NKAIN3: variants seen among roughly 807,000 people sequenced by gnomAD.
NKAIN3 encodes the protein sodium/potassium transporting ATPase interacting 3, also known as sodium/potassium-transporting ATPase subunit beta-1-interacting protein 3.
In NKAIN3, 25 loss-of-function variants were observed where a neutral mutation model predicts 30.2. That is an observed-to-expected ratio of 0.83 (90% CI 0.60 to 1.16). The LOEUF is 1.16. NKAIN3 is among the 50% of genes most tolerant of loss of function. NKAIN3 has a pLI of 0.00. For missense variants in NKAIN3, 225 were observed against 254.1 expected (o/e 0.89, Z 0.78); for synonymous variants, 91 against 89.6 (o/e 1.02, Z -0.09).
At chr8:62,886,845 T>G (rs774451288) in intron 4 of NKAIN3, among the ~76,000 whole-genome samples, 4 of 152,132 alleles carry the variant, frequency 2.6e-5, no homozygotes, top group Non-Finnish European at 5.9e-5. Flanking sequence ...GACCCCAGTG[T>G]GTGATGTTCT....
At chr8:62,532,375 G>T (rs1486870638) in intron 1 of NKAIN3, among the ~76,000 whole-genome samples, 1 of 149,926 alleles carries the variant, frequency 6.7e-6, no homozygotes, top group Non-Finnish European at 1.5e-5. Context: ...GCACCTTCAT[G>T]ATCCAATACT....
chr8:62,464,926 G>A lies in NKAIN3; in HGVS notation c.55-114613G>A, dbSNP rs750266384. Among the ~76,000 whole-genome samples, 3 of 152,126 alleles carry A rather than the reference G, an allele frequency of 2.0e-5. 1 individual carries two copies. The highest frequency in any genetic ancestry group is 2.0e-4 in the Admixed American group (3 of 15,270). On this transcript the variant is annotated intron_variant, in intron 1 of 6. Coordinates refer to ENST00000623646, the MANE Select transcript of NKAIN3 (RefSeq NM_001304533.3). ...AAAATAACTGGGAGTATTATTTATA[G>A]GTGAAGATAGAATTGGCATTTCAAT...
At chr8:62,444,978 G>A (rs1047649511) in intron 1 of NKAIN3, among the ~76,000 whole-genome samples, 5 of 151,716 alleles carry the variant, frequency 3.3e-5, no homozygotes, top group South Asian at 4.1e-4. Flanking sequence ...ACAGAGTCTC[G>A]CTCTGTCACC....
chr8:62,451,616 A>T (rs548329215), intron 1 of NKAIN3, among the ~76,000 whole-genome samples: 2 of 152,252 alleles, frequency 1.3e-5, no homozygotes, highest in South Asian at 4.1e-4. Context: ...GAAGCCTAAG[A>T]CCTAAATGTT....
At chr8:62,582,929 G>T (rs1810351779) in intron 2 of NKAIN3, among the ~76,000 whole-genome samples, 1 of 152,126 alleles carries the variant, frequency 6.6e-6, no homozygotes, top group Non-Finnish European at 1.5e-5. Context: ...TGGGCCTCCT[G>T]CTGCACCTGC....
At chr8:62,789,355 A>G (rs1817629611) in intron 4 of NKAIN3, among the ~76,000 whole-genome samples, 1 of 152,156 alleles carries the variant, frequency 6.6e-6, no homozygotes, top group South Asian at 2.1e-4. Context: ...GGTGTATAAG[A>G]ATGCTCGTGA....
intron 5 of NKAIN3, among the ~76,000 whole-genome samples, chr8:62,939,212 A>C (rs1822877069): frequency 6.6e-6 from 1 of 152,226 alleles, no homozygotes; most frequent in Non-Finnish European, 1.5e-5. Flanking sequence ...CAAAGAAAAA[A>C]ATCAGAAAAA....
At chr8:62,394,590 CCAGT>C (rs1302851426) in intron 1 of NKAIN3, among the ~76,000 whole-genome samples, 11 of 152,172 alleles carry the variant, frequency 7.2e-5, no homozygotes, top group East Asian at 5.8e-4. Flanking sequence ...TGCACAGTGG[CCAGT>C]CAAAGGCGCT....
intron 1 of NKAIN3, among the ~76,000 whole-genome samples, chr8:62,448,052 T>C (rs1317782600): frequency 6.6e-6 from 1 of 151,940 alleles, no homozygotes; most frequent in East Asian, 1.9e-4. Context: ...CTAGGTTGGA[T>C]TTAAGTAGCC....
intron 3 of NKAIN3, among the ~76,000 whole-genome samples, chr8:62,669,394 C>T (rs955229662): frequency 2.6e-5 from 4 of 152,188 alleles, no homozygotes; most frequent in Non-Finnish European, 4.4e-5. Context: ...ACCAAAATTA[C>T]ATCTTCATGG....
intron 4 of NKAIN3, among the ~76,000 whole-genome samples, chr8:62,871,490 A>G (rs1820644608): frequency 6.6e-6 from 1 of 152,166 alleles, no homozygotes. Context: ...TGTGATGAGA[A>G]CACTTAGTAT....
In NKAIN3 at chr8:62,736,307, G is replaced by A. The variant is rs552976455; in HGVS notation, c.274-10625G>A. Among the ~76,000 whole-genome samples the A allele has an allele frequency of 3.9e-5, 6 of 152,228 alleles. No homozygotes were observed. The South Asian group carries it at 6.2e-4, about 16-fold the overall frequency. On this transcript the variant is annotated intron_variant, in intron 3 of 6. Transcript: ENST00000623646. Reference sequence around the variant, plus strand: ...AGAGAAAGACCTTCAGATAGGGAGCGGATTAAGTGTGCCTGAGGTCAAACT... The same window carrying A: ...AGAGAAAGACCTTCAGATAGGGAGCAGATTAAGTGTGCCTGAGGTCAAACT...
chr8:62,866,828 C>T (rs1291676471), intron 4 of NKAIN3, among the ~76,000 whole-genome samples: 1 of 149,670 alleles, frequency 6.7e-6, no homozygotes, highest in African/African-American at 2.5e-5. Flanking sequence ...GGGTGGATCA[C>T]GAGGTCAGGA....
intron 1 of NKAIN3, among the ~76,000 whole-genome samples, chr8:62,551,803 A>C (rs188612472): frequency 6.6e-6 from 1 of 152,226 alleles, no homozygotes; most frequent in Non-Finnish European, 1.5e-5. Context: ...TTGGTAGACA[A>C]ACCTTCATAT....
chr8:62,417,868 T>G (rs1804500412), intron 1 of NKAIN3, among the ~76,000 whole-genome samples: 1 of 152,214 alleles, frequency 6.6e-6, no homozygotes, highest in Non-Finnish European at 1.5e-5. Flanking sequence ...ATTCTGCTTA[T>G]TAATCCCTTG....
At chr8:62,327,144 T>C (rs564650146) in intron 1 of NKAIN3, among the ~76,000 whole-genome samples, 1 of 152,200 alleles carries the variant, frequency 6.6e-6, no homozygotes, top group East Asian at 1.9e-4. Context: ...TTTAAGTCCT[T>C]TGCCAATTTT....
intron 3 of NKAIN3, among the ~76,000 whole-genome samples, chr8:62,724,768 A>C (rs1815203489): frequency 6.6e-6 from 1 of 152,004 alleles, no homozygotes; most frequent in South Asian, 2.1e-4. Context: ...CATTCCCTTT[A>C]TTCATTCTTT....
chr8:62,345,451 ATATG>A (rs1217155446), intron 1 of NKAIN3, among the ~76,000 whole-genome samples: 5 of 115,602 alleles, frequency 4.3e-5, no homozygotes, highest in Admixed American at 1.9e-4. Context: ...ATATACACAC[ATATG>A]TATATATACA....
intron 3 of NKAIN3, among the ~76,000 whole-genome samples, chr8:62,725,770 G>A (rs1448459244): frequency 6.6e-6 from 1 of 151,970 alleles, no homozygotes; most frequent in East Asian, 1.9e-4. Flanking sequence ...TTTTAAGTCT[G>A]GTAATGTGAT....
Sources: gnomAD v4.1 joint callset for allele counts (sites outside exome capture counted in the v4.1 genomes callset) on GRCh38, gnomAD v4.1.1 for gene constraint, MANE v1.5 for transcripts, NCBI Gene and HGNC (gene_info 2026-07-23, HGNC 2026-07-21) for gene names.